TCF7L2: variants seen among roughly 807,000 people sequenced by gnomAD.
The protein encoded by TCF7L2 is transcription factor 7 like 2.
A neutral mutation model predicts 77.9 loss-of-function variants in TCF7L2; 23 were observed. The observed-to-expected ratio is 0.30, with a 90% CI of 0.21 to 0.42. The LOEUF (loss-of-function observed/expected upper bound fraction) is 0.42, where lower values mean the gene tolerates loss of function less well. Ranked by LOEUF, TCF7L2 falls within the 10% of genes least tolerant of loss-of-function variation. The pLI is 1.00. For synonymous variants in TCF7L2, 413 were observed against 340.2 expected (o/e 1.21, Z -2.36); for missense variants, 654 against 793.1 (o/e 0.82, Z 2.11).
chr10:113,148,837 C>T lies in TCF7L2; in HGVS notation c.876-2161C>T, dbSNP rs115491532. 7.4e-3 allele frequency among the ~76,000 whole-genome samples: 1,126 copies of T among 152,206 alleles called. 7 individuals are homozygous for T. The highest frequency in any genetic ancestry group is 0.025 in the African/African-American group (1,022 of 41,528). On this transcript the variant is annotated intron_variant, in intron 8 of 13. Transcript: ENST00000627217. ...AACATTTTTCAGATATGGGAATATACGCGTAGGTATGGGAACTTAGAAATG... is the reference window on the plus strand; with the variant it reads ...AACATTTTTCAGATATGGGAATATATGCGTAGGTATGGGAACTTAGAAATG...
intron 5 of TCF7L2, among the ~76,000 whole-genome samples, chr10:113,073,669 G>A (rs1454443471): frequency 6.6e-6 from 1 of 151,464 alleles, no homozygotes; most frequent in Non-Finnish European, 1.5e-5. Flanking sequence ...TCCAGCCTGG[G>A]CGACTGTGAG....
intron 4 of TCF7L2, among the ~76,000 whole-genome samples, chr10:112,993,620 G>A (rs956836574): frequency 6.6e-6 from 1 of 152,166 alleles, no homozygotes; most frequent in Non-Finnish European, 1.5e-5. Flanking sequence ...TGGGCTTATC[G>A]TTATCTGTAA....
intron 4 of TCF7L2, among the ~76,000 whole-genome samples, chr10:112,977,466 ACGGGC>A (rs1284543515): frequency 1.3e-5 from 2 of 152,230 alleles, no homozygotes; most frequent in Non-Finnish European, 2.9e-5. Context: ...ACATTGACAT[ACGGGC>A]CGTCATCAAA....
intron 4 of TCF7L2, among the ~76,000 whole-genome samples, chr10:113,008,742 G>A (rs906357860): frequency 1.3e-5 from 2 of 152,134 alleles, no homozygotes; most frequent in Admixed American, 6.5e-5. Flanking sequence ...ATGCTTGGGA[G>A]CGCCACAGTT....
intron 4 of TCF7L2, among the ~76,000 whole-genome samples, chr10:113,035,307 G>C (rs2050983331): frequency 6.6e-6 from 1 of 152,228 alleles, no homozygotes; most frequent in Non-Finnish European, 1.5e-5. Flanking sequence ...CCCAGCAAGG[G>C]AAGGCACCCT....
intron 7 of TCF7L2, among the ~76,000 whole-genome samples, chr10:113,145,321 G>A (rs1266818787): frequency 6.6e-6 from 1 of 152,066 alleles, no homozygotes; most frequent in Non-Finnish European, 1.5e-5. Context: ...CGGCTGATGG[G>A]GAGATATTTG....
At chr10:113,077,004 G>A (rs1445639562) in intron 5 of TCF7L2, among the ~76,000 whole-genome samples, 5 of 152,198 alleles carry the variant, frequency 3.3e-5, no homozygotes, top group Non-Finnish European at 5.9e-5. Context: ...TAGCATGTCT[G>A]TATGATCCAC....
chr10:113,003,539 A>G (rs970201211), intron 4 of TCF7L2, among the ~76,000 whole-genome samples: 1 of 152,166 alleles, frequency 6.6e-6, no homozygotes, highest in African/African-American at 2.4e-5. Flanking sequence ...CCCAGCCCGC[A>G]TCATGTTATC....
In TCF7L2 at chr10:113,079,770, G is replaced by A. The variant is rs1036980994; in HGVS notation, c.552+39644G>A. ...CCTCTCGGGTACAAGCGATTTTCGT[G>A]CCTCAGTTACCCAAGTAGCTGGGAT... On this transcript the variant is annotated intron_variant, in intron 5 of 13. Coordinates refer to ENST00000627217, the MANE Select transcript of TCF7L2 (RefSeq NM_001146274.2). 6.6e-5 allele frequency among the ~76,000 whole-genome samples: 10 copies of A among 151,966 alleles called. No homozygotes were observed. In the South Asian group the frequency reaches 2.1e-3, roughly 32 times the overall value.
chr10:113,151,917 G>A lies in TCF7L2; in HGVS notation c.1161+33G>A, dbSNP rs1168694998. The A allele has an allele frequency of 6.3e-7, 1 of 1,576,468 alleles. No homozygotes were observed. The highest frequency in any genetic ancestry group is 1.2e-5 in the South Asian group (1 of 83,588). On this transcript the variant is annotated intron_variant, in intron 10 of 13. Coordinates refer to ENST00000627217, the MANE Select transcript of TCF7L2 (RefSeq NM_001146274.2). This position sits in a 1 kb window ranked among gnomAD's most constrained non-coding sequence, Gnocchi z 5.2. Reference sequence around the variant, plus strand: ...ACGCCCTTCTCAGGGAGAAGCGGGGGGCGGGTGGTGAGGGACCAGAGTGCA... The same window carrying A: ...ACGCCCTTCTCAGGGAGAAGCGGGGAGCGGGTGGTGAGGGACCAGAGTGCA...
intron 5 of TCF7L2, among the ~76,000 whole-genome samples, chr10:113,073,569 A>G (rs2058342862): frequency 6.8e-6 from 1 of 147,432 alleles, no homozygotes; most frequent in African/African-American, 2.5e-5. Flanking sequence ...GTGTGCTCCT[A>G]TAGCTCCAGC....
intron 5 of TCF7L2, among the ~76,000 whole-genome samples, chr10:113,137,754 T>A (rs949835798): frequency 6.6e-6 from 1 of 152,222 alleles, no homozygotes; most frequent in Admixed American, 6.5e-5. Flanking sequence ...ATGCTTGCAG[T>A]TGCAATTTGG....
intron 4 of TCF7L2, among the ~76,000 whole-genome samples, chr10:112,987,071 C>A (rs1384649398): frequency 6.6e-6 from 1 of 152,206 alleles, no homozygotes; most frequent in Non-Finnish European, 1.5e-5. Flanking sequence ...CTGGAAACGA[C>A]AACCCGAGTT....
chr10:112,968,702 G>T (rs1484371173), intron 4 of TCF7L2, among the ~76,000 whole-genome samples: 1 of 151,882 alleles, frequency 6.6e-6, no homozygotes, highest in Non-Finnish European at 1.5e-5. Flanking sequence ...CCTCAGCCTC[G>T]CTAGTAGCTG....
intron 4 of TCF7L2, among the ~76,000 whole-genome samples, chr10:112,966,123 C>T (rs1035898929): frequency 1.4e-5 from 2 of 147,790 alleles, no homozygotes; most frequent in Non-Finnish European, 3.0e-5. Context: ...TGCGGTGAGC[C>T]GAGATCACGC....
At position 113,143,920 on chromosome 10, in the gene TCF7L2, C is replaced by T. The variant is rs368368045; in HGVS notation, c.686-3C>T. 6.2e-7 allele frequency: 1 copy of T among 1,612,194 alleles called. No individual in the cohort carries two copies. Among genetic ancestry groups the T allele is most frequent in the Non-Finnish European group, 8.5e-7 (1 of 1,178,686 alleles). On this transcript the variant is annotated splice_polypyrimidine_tract_variant and splice_region_variant and intron_variant, in intron 6 of 13. Coordinates refer to ENST00000627217, the MANE Select transcript of TCF7L2 (RefSeq NM_001146274.2). ...GTACCTAAAATGCTGCTTCTTCCCT[C>T]AGGAATCCCACGGCCTCCGCACCCT...
At chr10:112,987,170 A>G (rs991086279) in intron 4 of TCF7L2, among the ~76,000 whole-genome samples, 14 of 152,204 alleles carry the variant, frequency 9.2e-5, no homozygotes, top group East Asian at 1.9e-4. Flanking sequence ...ATGTGCCAAG[A>G]GAAACATCAA....
At chr10:112,991,823 G>A (rs2042607197) in intron 4 of TCF7L2, among the ~76,000 whole-genome samples, 1 of 152,144 alleles carries the variant, frequency 6.6e-6, no homozygotes, top group Admixed American at 6.5e-5. Context: ...CTGCTTCCCG[G>A]CCCCACACTG....
intron 5 of TCF7L2, chr10:113,089,661 G>A: frequency 7.7e-7 from 1 of 1,304,960 alleles, no homozygotes; most frequent in South Asian, 1.6e-5. Context: ...TTCTTGTTGG[G>A]TCACTGTCAT....
Sources: gnomAD v4.1 joint callset for allele counts (sites outside exome capture counted in the v4.1 genomes callset) on GRCh38, gnomAD v4.1.1 for gene constraint, Gnocchi (gnomAD v3.1) non-coding constraint, MANE v1.5 for transcripts, NCBI Gene and HGNC (gene_info 2026-07-23, HGNC 2026-07-21) for gene names.